CFAP300: variants seen among roughly 807,000 people sequenced by gnomAD.
CFAP300 encodes the protein cilia and flagella associated protein 300.
CFAP300 carries 32 observed loss-of-function variants against 33.0 expected under a neutral mutation model. That is an observed-to-expected ratio of 0.97 (90% confidence interval 0.73 to 1.30). The LOEUF is 1.30. Ranked by LOEUF, CFAP300 falls within the 50% of genes most tolerant of loss-of-function variation. CFAP300 has a pLI of 0.00. For synonymous variants in CFAP300, 102 were observed against 106.8 expected, an observed-to-expected ratio of 0.95 and a Z score of 0.28; for missense variants, 356 against 318.1, an observed-to-expected ratio of 1.12 and a Z score of -0.90.
chr11:102,082,500 T>C (rs1353571735), intron 6 of CFAP300, among the ~76,000 whole-genome samples: 2 of 152,214 alleles, frequency 1.3e-5, no homozygotes, highest in South Asian at 2.1e-4. Context: ...CTTTGGACTA[T>C]AAATTCCTTA....
chr11:102,063,397 T>C (rs1336430203), intron 3 of CFAP300, among the ~76,000 whole-genome samples: 1 of 152,250 alleles, frequency 6.6e-6, no homozygotes, highest in Non-Finnish European at 1.5e-5. Context: ...TGGAAACACA[T>C]ACCTTGTCCT....
intron 2 of CFAP300, chr11:102,058,059 A>C (rs955939605): frequency 1.3e-5 from 2 of 152,374 alleles, no homozygotes; most frequent in African/African-American, 4.8e-5. Context: ...CCTTTTGGCT[A>C]AGATCAACTG....
intron 2 of CFAP300, among the ~76,000 whole-genome samples, chr11:102,049,490 A>G (rs1018496317): frequency 6.6e-6 from 1 of 152,192 alleles, no homozygotes; most frequent in East Asian, 1.9e-4. Flanking sequence ...CTATCAACCC[A>G]TAACAGAGAG....
chr11:102,047,718 A>G (rs1941903722), intron 1 of CFAP300, 97 bp from the exon 2 acceptor site: 2 of 1,492,766 alleles, frequency 1.3e-6, no homozygotes, highest in Non-Finnish European at 9.1e-7. Flanking sequence ...ACCCCGAACC[A>G]CCCGGGAAGG....
intron 5 of CFAP300, among the ~76,000 whole-genome samples, chr11:102,078,043 A>G (rs1219029785): frequency 6.6e-6 from 1 of 151,048 alleles, no homozygotes; most frequent in Non-Finnish European, 1.5e-5. Context: ...AGCACACACC[A>G]CTACACCTGG....
intron 6 of CFAP300, among the ~76,000 whole-genome samples, chr11:102,082,118 T>A (rs1048739604): frequency 2.2e-4 from 33 of 152,084 alleles, no homozygotes; most frequent in Non-Finnish European, 4.3e-4. Context: ...GTGCAGTGGC[T>A]CATGCCTGTA....
intron 4 of CFAP300, among the ~76,000 whole-genome samples, chr11:102,067,159 G>A (rs1414455855): frequency 6.6e-6 from 1 of 152,104 alleles, no homozygotes; most frequent in South Asian, 2.1e-4. Flanking sequence ...GGGCAACATA[G>A]CAAAACCCTG....
chr11:102,052,301 G>T (rs1333808863), intron 2 of CFAP300, among the ~76,000 whole-genome samples: 1 of 152,090 alleles, frequency 6.6e-6, no homozygotes. Flanking sequence ...GATTCTTTCA[G>T]AAGGCATAAA....
At chr11:102,075,621 G>A (rs1308842070) in intron 4 of CFAP300, among the ~76,000 whole-genome samples, 1 of 152,128 alleles carries the variant, frequency 6.6e-6, no homozygotes, top group Non-Finnish European at 1.5e-5. Context: ...CTAGAAAAAA[G>A]AAATAAAGTG....
At chr11:102,075,042 A>G (rs1404913200) in intron 4 of CFAP300, among the ~76,000 whole-genome samples, 1 of 152,176 alleles carries the variant, frequency 6.6e-6, no homozygotes, top group East Asian at 1.9e-4. Flanking sequence ...AGGCTGAGGC[A>G]AGAAGGTCAC....
At chr11:102,070,073 T>A (rs534809240) in intron 4 of CFAP300, among the ~76,000 whole-genome samples, 6 of 152,350 alleles carry the variant, frequency 3.9e-5, no homozygotes, top group African/African-American at 1.4e-4. Context: ...ACCTTTCTCT[T>A]AAGCCAGATC....
intron 5 of CFAP300, among the ~76,000 whole-genome samples, chr11:102,080,147 A>T (rs1010174627): frequency 6.6e-6 from 1 of 152,112 alleles, no homozygotes; most frequent in Non-Finnish European, 1.5e-5. Flanking sequence ...AAAGTTAAAA[A>T]TTGTGTAAAA....
At chr11:102,049,130 T>C (rs1382803538) in intron 2 of CFAP300, among the ~76,000 whole-genome samples, 4 of 152,214 alleles carry the variant, frequency 2.6e-5, no homozygotes, top group Admixed American at 1.3e-4. Context: ...TTAGGTAGGA[T>C]TGTGTCATAG....
intron 6 of CFAP300, 38 bp downstream of exon 6, chr11:102,081,319 T>C (rs1942469793): frequency 6.6e-7 from 1 of 1,513,716 alleles, no homozygotes; most frequent in Non-Finnish European, 9.2e-7. Flanking sequence ...AAGAATTTAA[T>C]TACTTTTTAT....
intron 2 of CFAP300, among the ~76,000 whole-genome samples, chr11:102,058,155 C>A (rs1367172546): frequency 1.3e-5 from 2 of 152,116 alleles, no homozygotes; most frequent in African/African-American, 4.8e-5. Context: ...CTGGGTCCAG[C>A]CTTCAGCCTG....
intron 2 of CFAP300, among the ~76,000 whole-genome samples, chr11:102,058,325 G>A (rs149606049): frequency 2.1e-3 from 319 of 151,510 alleles, no homozygotes; most frequent in South Asian, 0.01. Flanking sequence ...ACAATATGCC[G>A]ACATCATAAC....
intron 2 of CFAP300, among the ~76,000 whole-genome samples, chr11:102,048,462 C>A (rs1329650621): frequency 2.0e-5 from 3 of 152,170 alleles, no homozygotes; most frequent in African/African-American, 7.2e-5. Context: ...TCCCAAAGTG[C>A]TGGGGAGTAC....
intron 2 of CFAP300, among the ~76,000 whole-genome samples, chr11:102,049,565 G>A (rs928712727): frequency 6.6e-6 from 1 of 152,016 alleles, no homozygotes; most frequent in South Asian, 2.1e-4. Context: ...ATATTATAAT[G>A]CTACTGATAA....
chr11:102,053,246 T>C (rs1380674377), intron 2 of CFAP300, among the ~76,000 whole-genome samples: 5 of 146,000 alleles, frequency 3.4e-5, no homozygotes, highest in Non-Finnish European at 7.5e-5. Flanking sequence ...AATAATTAAT[T>C]AAAAAATAAA....
Sources: allele counts gnomAD v4.1 joint callset (sites outside exome capture counted in the v4.1 genomes callset), GRCh38; gene constraint gnomAD v4.1.1; transcripts MANE v1.5; gene names NCBI Gene and HGNC (gene_info 2026-07-23, HGNC 2026-07-21).